The following SPOCK3 variants were observed in gnomAD, a reference collection of about 807,000 sequenced individuals.
The protein encoded by SPOCK3 is SPARC (osteonectin), cwcv and kazal like domains proteoglycan 3.
In SPOCK3, 30 loss-of-function variants were observed where a neutral mutation model predicts 56.6. That is an observed-to-expected ratio of 0.53 (90% CI 0.40 to 0.72). The LOEUF (loss-of-function observed/expected upper bound fraction) is 0.72, where lower values mean the gene tolerates loss of function less well. Ranked by LOEUF, SPOCK3 falls within the 30% of genes least tolerant of loss-of-function variation. The pLI, the probability that SPOCK3 is intolerant of heterozygous loss-of-function variation, is 0.00. For missense variants in SPOCK3, 527 were observed against 530.0 expected (o/e 0.99, Z 0.06); for synonymous variants, 196 against 183.3 (o/e 1.07, Z -0.56).
chr4:166,904,845 C>T (rs1736443905), intron 5 of SPOCK3, among the ~76,000 whole-genome samples: 1 of 151,938 alleles, frequency 6.6e-6, no homozygotes, highest in Admixed American at 6.6e-5. Context: ...CTCCTGTATT[C>T]TTTTTCCTTG....
At chr4:166,989,585 AC>A (rs1747549106) in intron 4 of SPOCK3, among the ~76,000 whole-genome samples, 1 of 152,152 alleles carries the variant, frequency 6.6e-6, no homozygotes, top group Admixed American at 6.6e-5. Context: ...GGGCATATCC[AC>A]AGCTAGTCCC....
intron 3 of SPOCK3, among the ~76,000 whole-genome samples, chr4:167,004,691 A>G (rs1749294333): frequency 6.6e-6 from 1 of 152,202 alleles, no homozygotes; most frequent in Non-Finnish European, 1.5e-5. Context: ...CATTTCAAAA[A>G]GGACACTGAT....
At chr4:167,089,286 T>C (rs775578592) in intron 2 of SPOCK3, among the ~76,000 whole-genome samples, 5 of 152,090 alleles carry the variant, frequency 3.3e-5, no homozygotes, top group Admixed American at 6.6e-5. Flanking sequence ...GTCTAGGATG[T>C]AGCAATTTCA....
At position 166,850,152 on chromosome 4, in the gene SPOCK3, A is replaced by G. The variant is rs563249603; in HGVS notation, c.589+38978T>C. Among the ~76,000 whole-genome samples the G allele has an allele frequency of 1.3e-5, 2 of 152,292 alleles. 1 individual carries two copies. The highest frequency in any genetic ancestry group is 4.1e-4 in the South Asian group (2 of 4,828). On this transcript the variant is annotated intron_variant, in intron 6 of 10. Transcript: ENST00000357545. The stretch of plus-strand genomic sequence containing the variant: ...AATTCTATTGTTAATTATTTTAGGA[A>G]CTGCCATATTGTTTTCCATAGCAAT...
At chr4:166,831,675 T>C (rs1746071028) in intron 6 of SPOCK3, among the ~76,000 whole-genome samples, 1 of 151,682 alleles carries the variant, frequency 6.6e-6, no homozygotes, top group South Asian at 2.1e-4. Context: ...TCTTGACCAA[T>C]CTGAGTAGTC....
chr4:167,149,138 T>A (rs955276556), intron 2 of SPOCK3, among the ~76,000 whole-genome samples: 3 of 152,130 alleles, frequency 2.0e-5, no homozygotes, highest in Admixed American at 1.3e-4. Context: ...CTGCTTTTGG[T>A]CTAAAGGATA....
At chr4:167,089,586 C>T (rs1375605358) in intron 2 of SPOCK3, among the ~76,000 whole-genome samples, 1 of 151,986 alleles carries the variant, frequency 6.6e-6, no homozygotes. Context: ...ATTTTTAACC[C>T]CACAAATCAG....
In SPOCK3 at chr4:166,754,512, C is replaced by T. The variant is rs372161372; in HGVS notation, c.927G>A (p.Gln309=). 18 of 1,611,854 alleles carry T rather than the reference C, an allele frequency of 1.1e-5. No individual in the cohort carries two copies. Among genetic ancestry groups the T allele is most frequent in the African/African-American group, 2.7e-5 (2 of 74,848 alleles). ...NNEWCYCFQR[Q]QDPPCQTELS... ...TGTAAGGGTCTCATCTTTTACCTTG[C>T]TGTCTCTGGAAGCAGTAGCACCACT... The change falls in exon 8 of 11, where the codon CAG becomes CAA. Residue 309 remains glutamine, a synonymous_variant. Coordinates refer to ENST00000357545, the MANE Select transcript of SPOCK3 (RefSeq NM_001040159.2).
intron 3 of SPOCK3, among the ~76,000 whole-genome samples, chr4:167,061,565 G>T (rs1187298364): frequency 6.6e-6 from 1 of 151,858 alleles, no homozygotes; most frequent in Non-Finnish European, 1.5e-5. Flanking sequence ...CATACAGCTT[G>T]GTTGTTGTAG....
intron 4 of SPOCK3, among the ~76,000 whole-genome samples, chr4:166,961,717 T>A (rs1466947933): frequency 6.6e-6 from 1 of 152,042 alleles, no homozygotes; most frequent in Non-Finnish European, 1.5e-5. Flanking sequence ...TCCGGGACAT[T>A]TTTTCCTTGC....
chr4:166,741,906 T>G, intron 9 of SPOCK3, 91 bp downstream of exon 9: 1 of 946,040 alleles, frequency 1.1e-6, no homozygotes, highest in Non-Finnish European at 1.7e-6. Context: ...GCAGTCTATC[T>G]TTGTTGGATT....
chr4:167,090,788 C>T (rs115477866), intron 2 of SPOCK3, among the ~76,000 whole-genome samples: 4 of 152,172 alleles, frequency 2.6e-5, no homozygotes, highest in Non-Finnish European at 5.9e-5. Context: ...CAGGCATGAG[C>T]CACCGAGCTC....
intron 2 of SPOCK3, among the ~76,000 whole-genome samples, chr4:167,227,158 A>T (rs979554564): frequency 6.6e-6 from 1 of 152,062 alleles, no homozygotes; most frequent in Non-Finnish European, 1.5e-5. Context: ...GAATTGAACT[A>T]ATTGGCCAAG....
chr4:167,134,506 C>T (rs572768443), intron 2 of SPOCK3, among the ~76,000 whole-genome samples: 1 of 152,142 alleles, frequency 6.6e-6, no homozygotes, highest in East Asian at 1.9e-4. Flanking sequence ...ATTTTAATAG[C>T]ATGAAAACTG....
intron 2 of SPOCK3, among the ~76,000 whole-genome samples, chr4:167,125,712 C>T (rs1396275396): frequency 6.6e-6 from 1 of 151,934 alleles, no homozygotes; most frequent in Non-Finnish European, 1.5e-5. Context: ...GAGACTCCGT[C>T]TCAAAAAAAT....
chr4:167,228,270 C>T (rs931820467), intron 2 of SPOCK3, among the ~76,000 whole-genome samples: 55 of 152,162 alleles, frequency 3.6e-4, no homozygotes, highest in East Asian at 1.7e-3. Flanking sequence ...CAAGAATCTA[C>T]GCACATAAAT....
chr4:166,860,801 T>TAATATATATA (rs1731145772), intron 6 of SPOCK3, among the ~76,000 whole-genome samples: 3 of 19,030 alleles, frequency 1.6e-4, no homozygotes, highest in African/African-American at 7.7e-4. Context: ...ACACACAAAT[T>TAATATATATA]CATATATATA....
Position 167,166,887 on chromosome 4 carries a change from A to C in SPOCK3, c.189+67098T>G, listed in dbSNP as rs547756289. 6.6e-5 allele frequency among the ~76,000 whole-genome samples: 10 copies of C among 152,250 alleles called. No individual in the cohort carries two copies. In the East Asian group the frequency reaches 1.9e-3, roughly 29 times the overall value. ...AGTATTTCTCAAAGATTTTAGTCTT[A>C]AGAAAGAAACTGAGTCTTTTCATAA... On this transcript the variant is annotated intron_variant, in intron 2 of 10. Transcript: ENST00000357545.
chr4:167,183,856 C>T lies in SPOCK3; in HGVS notation c.189+50129G>A, dbSNP rs78902798. On this transcript the variant is annotated intron_variant, in intron 2 of 10. Coordinates refer to ENST00000357545, the MANE Select transcript of SPOCK3 (RefSeq NM_001040159.2). The stretch of plus-strand genomic sequence containing the variant: ...ACCAGAATCAACCTAACATTACCCT[C>T]AGGGCCCATTAAAGGAAGATGTAGA... Among the ~76,000 whole-genome samples, 1,451 of 152,262 alleles carry T rather than the reference C, an allele frequency of 9.5e-3. 16 individuals are homozygous for T. The highest frequency in any genetic ancestry group is 0.013 in the Non-Finnish European group (911 of 68,008).
Sources: allele counts gnomAD v4.1 joint callset (sites outside exome capture counted in the v4.1 genomes callset), GRCh38; gene constraint gnomAD v4.1.1; transcripts MANE v1.5; gene names NCBI Gene and HGNC (gene_info 2026-07-23, HGNC 2026-07-21).